Variants in KLF12 observed in about 807,000 individuals in gnomAD.
KLF12 encodes the protein KLF transcription factor 12.
In KLF12, 9 loss-of-function variants were observed where a neutral mutation model predicts 37.8. The observed-to-expected ratio is 0.24, with a 90% CI of 0.14 to 0.42. The LOEUF is 0.42. Ranked by LOEUF, KLF12 falls within the 10% of genes least tolerant of loss-of-function variation. The probability of loss-of-function intolerance (pLI) is 1.00; values close to 1 mark genes in which losing one functional copy is unlikely to be tolerated. For missense variants in KLF12, 411 were observed against 516.0 expected (o/e 0.80, Z 1.97); for synonymous variants, 208 against 202.1 (o/e 1.03, Z -0.25).
chr13:73,833,271 T>G (rs1884260659), intron 4 of KLF12, among the ~76,000 whole-genome samples: 2 of 152,192 alleles, frequency 1.3e-5, no homozygotes, highest in South Asian at 4.1e-4. Context: ...AATATCTACG[T>G]ATTAAGACTG....
At chr13:73,824,183 G>GTA (rs2138524938) in intron 4 of KLF12, among the ~76,000 whole-genome samples, 2 of 151,648 alleles carry the variant, frequency 1.3e-5, no homozygotes, top group South Asian at 4.2e-4. Context: ...TGATAAACAC[G>GTA]TATACACAGA....
intron 1 of KLF12, among the ~76,000 whole-genome samples, chr13:74,112,837 G>A (rs1219724776): frequency 6.6e-6 from 1 of 152,170 alleles, no homozygotes; most frequent in Non-Finnish European, 1.5e-5. Flanking sequence ...TTTAATGAGG[G>A]AGGCAGGATG....
At chr13:74,286,562 T>G in the KLF12 span, among the ~76,000 whole-genome samples, 2 of 152,196 alleles carry the variant, frequency 1.3e-5, no homozygotes, top group Admixed American at 6.5e-5. Flanking sequence ...CATGCAGTCT[T>G]TTTTTAAAAG....
chr13:73,855,498 G>C (rs1885561013), intron 3 of KLF12, among the ~76,000 whole-genome samples: 2 of 152,114 alleles, frequency 1.3e-5, no homozygotes. Context: ...GTCCACTGCT[G>C]GTGGGCATCT....
intron 3 of KLF12, among the ~76,000 whole-genome samples, chr13:73,847,183 T>A (rs1343084185): frequency 6.6e-6 from 1 of 152,116 alleles, no homozygotes; most frequent in Non-Finnish European, 1.5e-5. Flanking sequence ...CAACAAACAT[T>A]TATGAAATGT....
intron 1 of KLF12, among the ~76,000 whole-genome samples, chr13:74,030,578 T>G (rs1280763606): frequency 6.6e-6 from 1 of 151,998 alleles, no homozygotes; most frequent in Non-Finnish European, 1.5e-5. Context: ...CCTCCCACGC[T>G]CTCTCTCATT....
chr13:73,977,704 C>A (rs1239057382), intron 2 of KLF12, among the ~76,000 whole-genome samples: 1 of 152,126 alleles, frequency 6.6e-6, no homozygotes, highest in Non-Finnish European at 1.5e-5. Flanking sequence ...AATGACATTA[C>A]CTGACTCCAG....
At chr13:73,765,742 T>C (rs981569285) in intron 5 of KLF12, among the ~76,000 whole-genome samples, 2 of 152,180 alleles carry the variant, frequency 1.3e-5, no homozygotes, top group Non-Finnish European at 2.9e-5. Context: ...TGTGGGTCAC[T>C]AACCGGCAAA....
At chr13:74,284,598 G>A in the KLF12 span, among the ~76,000 whole-genome samples, 1 of 152,150 alleles carries the variant, frequency 6.6e-6, no homozygotes, top group Admixed American at 6.5e-5. Context: ...CAGAAGCTAA[G>A]GCCCAGTTCC....
Position 73,889,194 on chromosome 13 carries a change from G to C in KLF12, c.124-42821C>G, listed in dbSNP as rs529258013. Among the ~76,000 whole-genome samples the C allele has an allele frequency of 2.0e-5, 3 of 152,250 alleles. No homozygotes were observed. In the South Asian group the frequency reaches 6.2e-4, roughly 32 times the overall value. On this transcript the variant is annotated intron_variant, in intron 3 of 7. Coordinates refer to ENST00000377669, the MANE Select transcript of KLF12 (RefSeq NM_007249.5). ...AGAAAGCCAGAAAACATAGGCAGAA[G>C]ATATATGTACATATAAGATATTTAA...
chr13:74,280,740 G>A, the KLF12 span, among the ~76,000 whole-genome samples: 10 of 151,838 alleles, frequency 6.6e-5, no homozygotes, highest in Non-Finnish European at 8.8e-5. Context: ...ATACTGTTTC[G>A]TGAATTTTTC....
chr13:74,163,118 T>C, the KLF12 span, among the ~76,000 whole-genome samples: 2 of 152,172 alleles, frequency 1.3e-5, no homozygotes, highest in South Asian at 2.1e-4. Context: ...AGGTTACCCC[T>C]GTACGCTGTT....
At chr13:74,293,464 C>T in the KLF12 span, among the ~76,000 whole-genome samples, 1 of 152,170 alleles carries the variant, frequency 6.6e-6, no homozygotes, top group Non-Finnish European at 1.5e-5. Flanking sequence ...GAATCCCAGA[C>T]ATTCTCAACA....
chr13:73,811,891 T>C (rs1286363916), intron 5 of KLF12, among the ~76,000 whole-genome samples: 2 of 152,214 alleles, frequency 1.3e-5, no homozygotes, highest in Non-Finnish European at 2.9e-5. Flanking sequence ...CATACACTTA[T>C]GCTGTGAATT....
At chr13:74,269,296 C>T in the KLF12 span, among the ~76,000 whole-genome samples, 1 of 152,174 alleles carries the variant, frequency 6.6e-6, no homozygotes, top group African/African-American at 2.4e-5. Context: ...CTCTCTCTCT[C>T]TTTGTATATA....
chr13:73,789,281 T>G (rs1881524598), intron 5 of KLF12, among the ~76,000 whole-genome samples: 1 of 152,208 alleles, frequency 6.6e-6, no homozygotes, highest in Non-Finnish European at 1.5e-5. Flanking sequence ...CCATGTTATC[T>G]GGACTTCACA....
At chr13:74,173,706 T>G in the KLF12 span, among the ~76,000 whole-genome samples, 2 of 152,244 alleles carry the variant, frequency 1.3e-5, no homozygotes, top group African/African-American at 4.8e-5. Context: ...CCTGTTGGGG[T>G]TTGAGACATT....
At chr13:74,169,609 T>C in the KLF12 span, among the ~76,000 whole-genome samples, 23 of 152,368 alleles carry the variant, frequency 1.5e-4, no homozygotes, top group African/African-American at 5.5e-4. Context: ...AGAAATAAGC[T>C]ACCACTCTTT....
Position 73,690,635 on chromosome 13 carries a change from G to C in KLF12, c.*4855C>G, listed in dbSNP as rs902857156. On this transcript the variant is annotated 3_prime_UTR_variant, in exon 8 of 8. Transcript: ENST00000377669. The stretch of plus-strand genomic sequence containing the variant: ...ATTTTGAACAGAACACGAAGAGCAT[G>C]CTCTGACAAAGTTGGACAGAGTTCC... 6.6e-6 allele frequency: 1 copy of C among 152,116 alleles called. No homozygotes were observed. The highest frequency in any genetic ancestry group is 1.5e-5 in the Non-Finnish European group (1 of 67,978). The allele number at this position is 152,116 out of a possible 1,614,324, so 9.4% of individuals were successfully genotyped here. A position where few individuals can be genotyped will look rare whatever the true frequency, so the allele number is the denominator to read the frequency against.
Sources: gnomAD v4.1 joint callset for allele counts (sites outside exome capture counted in the v4.1 genomes callset) on GRCh38, gnomAD v4.1.1 for gene constraint, MANE v1.5 for transcripts, NCBI Gene and HGNC (gene_info 2026-07-23, HGNC 2026-07-21) for gene names.